The following HMGCLL1 variants were observed in gnomAD, a reference collection of about 807,000 sequenced individuals.
HMGCLL1 encodes the protein 3-hydroxymethyl-3-methylglutaryl-CoA lyase, cytoplasmic.
A neutral mutation model predicts 39.1 loss-of-function variants in HMGCLL1; 36 were observed. That is an observed-to-expected ratio of 0.92 (90% CI 0.71 to 1.22). The LOEUF is 1.22. Among genes scored for constraint, HMGCLL1 ranks in the 50% most tolerant of loss-of-function variants. The pLI is 0.00. For synonymous variants in HMGCLL1, 149 were observed against 144.0 expected, an observed-to-expected ratio of 1.03 and a Z score of -0.25; for missense variants, 451 against 416.5, an observed-to-expected ratio of 1.08 and a Z score of -0.72.
the HMGCLL1 span, among the ~76,000 whole-genome samples, chr6:55,587,182 T>A: frequency 6.6e-6 from 1 of 152,170 alleles, no homozygotes; most frequent in South Asian, 2.1e-4. Context: ...TTTGGCTGCA[T>A]AAATGTCTTC....
rs62407068 is a variant in HMGCLL1 at position 55,474,511 on chromosome 6, G to A, written c.795+20908C>T. On this transcript the variant is annotated intron_variant, in intron 7 of 8. Transcript: ENST00000274901. ...CCTCCATCTACAGGTTTACATTCCC[G>A]TCTCTTTTTTGCATGTTGTCTACTT... Among the ~76,000 whole-genome samples, 391 of 150,788 alleles carry A rather than the reference G, an allele frequency of 2.6e-3. 1 individual carries two copies. Among genetic ancestry groups the A allele is most frequent in the Non-Finnish European group, 4.5e-3 (304 of 67,460 alleles).
At chr6:55,596,852 G>A in the HMGCLL1 span, among the ~76,000 whole-genome samples, 1 of 152,150 alleles carries the variant, frequency 6.6e-6, no homozygotes, top group African/African-American at 2.4e-5. Flanking sequence ...TAAAACTGCT[G>A]TGACTATTCT....
the HMGCLL1 span, among the ~76,000 whole-genome samples, chr6:55,660,874 C>T: frequency 2.0e-5 from 3 of 151,910 alleles, no homozygotes; most frequent in African/African-American, 7.2e-5. Context: ...CTTAACCTTG[C>T]CAGCATCTGT....
chr6:55,446,804 T>A (rs936788283), intron 7 of HMGCLL1, among the ~76,000 whole-genome samples: 1 of 152,018 alleles, frequency 6.6e-6, no homozygotes, highest in Non-Finnish European at 1.5e-5. Context: ...TATTCATGTT[T>A]TCAAAATATT....
Position 55,439,448 on chromosome 6 carries a change from G to A in HMGCLL1, c.907C>T (p.Leu303=). The change falls in exon 8 of 9, where the codon CTG becomes TTG. Residue 303 remains leucine (L), a synonymous_variant. Transcript: ENST00000274901. The part of the protein sequence containing the change: ...TEDLIYMLNG[L]GLNTGVNLYK... ...AAGTAACTTACTGTATTGAGCCCCA[G>A]GCCATTAAGCATATATATCAAATCC... 6.8e-6 allele frequency: 11 copies of A among 1,612,086 alleles called. No homozygotes were observed. The highest frequency in any genetic ancestry group is 1.7e-5 in the Admixed American group (1 of 59,854).
At chr6:55,454,314 G>A (rs1042580428) in intron 7 of HMGCLL1, among the ~76,000 whole-genome samples, 5 of 152,104 alleles carry the variant, frequency 3.3e-5, no homozygotes, top group African/African-American at 1.2e-4. Flanking sequence ...GTTTTGGGGA[G>A]CCCTATAACA....
At chr6:55,620,996 G>A in the HMGCLL1 span, among the ~76,000 whole-genome samples, 2 of 151,790 alleles carry the variant, frequency 1.3e-5, no homozygotes, top group Admixed American at 6.6e-5. Flanking sequence ...CTGTTTTTAT[G>A]CCACTACCAT....
chr6:55,436,482 G>T (rs183575001), intron 8 of HMGCLL1, among the ~76,000 whole-genome samples: 5 of 152,056 alleles, frequency 3.3e-5, no homozygotes, highest in Admixed American at 3.3e-4. Context: ...TAAGGAAAGG[G>T]TCACTATCAA....
At chr6:55,480,318 G>A (rs1226269570) in intron 7 of HMGCLL1, among the ~76,000 whole-genome samples, 2 of 151,536 alleles carry the variant, frequency 1.3e-5, no homozygotes, top group Non-Finnish European at 2.9e-5. Context: ...AAAAAGATCT[G>A]AAAAGATCTT....
At chr6:55,487,826 TAA>T (rs531924977) in intron 7 of HMGCLL1, among the ~76,000 whole-genome samples, 20 of 151,118 alleles carry the variant, frequency 1.3e-4, no homozygotes, top group African/African-American at 4.1e-4. Context: ...TTTTCAGTAT[TAA>T]AAAAAAATAA....
At chr6:55,551,417 A>G (rs1770319793) in intron 1 of HMGCLL1, among the ~76,000 whole-genome samples, 1 of 151,930 alleles carries the variant, frequency 6.6e-6, no homozygotes, top group Non-Finnish European at 1.5e-5. Context: ...GCCTTACTGC[A>G]TCTTAGTTCC....
At chr6:55,523,686 T>G (rs1360885020) in intron 3 of HMGCLL1, among the ~76,000 whole-genome samples, 2 of 151,916 alleles carry the variant, frequency 1.3e-5, no homozygotes, top group African/African-American at 4.8e-5. Context: ...CAATTTTACC[T>G]CATATTACAA....
the HMGCLL1 span, among the ~76,000 whole-genome samples, chr6:55,598,228 T>C: frequency 1.3e-5 from 2 of 152,352 alleles, no homozygotes; most frequent in East Asian, 1.9e-4. Flanking sequence ...ACATGTCCTG[T>C]ATTTAATGAT....
chr6:55,514,172 A>G lies in HMGCLL1; in HGVS notation c.418T>C (p.Ser140Pro), dbSNP rs1243692252. Residue 140 changes from serine (S) to proline (P), a missense_variant, in exon 5 of 9, where the codon TCA becomes CCA. Coordinates refer to ENST00000274901, the MANE Select transcript of HMGCLL1 (RefSeq NM_001042406.2). ...HAVAAGATEI[S>P]VFGAASESFS... ...GATTCAGATGCAGCTCCAAAAACTG[A>G]TATCTCAGTAGCTCCAGCAGCAACC... 2 of 1,610,512 alleles carry G rather than the reference A, an allele frequency of 1.2e-6. No homozygotes were observed. Among genetic ancestry groups the G allele is most frequent in the Admixed American group, 1.7e-5 (1 of 59,376 alleles).
chr6:55,439,405 G>T, intron 8 of HMGCLL1, 29 bp downstream of exon 8: 1 of 1,586,248 alleles, frequency 6.3e-7, no homozygotes, highest in South Asian at 1.1e-5. Flanking sequence ...AGGAATGCAT[G>T]AATATTAAAA....
intron 1 of HMGCLL1, chr6:55,563,740 T>A (rs77420869): frequency 1.9e-6 from 1 of 531,444 alleles, no homozygotes; most frequent in African/African-American, 2.0e-5. Context: ...TAAGAGTTCA[T>A]ACAAAATTAA....
At chr6:55,627,889 A>G in the HMGCLL1 span, among the ~76,000 whole-genome samples, 1 of 31,014 alleles carries the variant, frequency 3.2e-5, no homozygotes, top group African/African-American at 1.2e-4. Flanking sequence ...CCTTATATAT[A>G]TATATATATA....
the HMGCLL1 span, among the ~76,000 whole-genome samples, chr6:55,601,622 C>G: frequency 2.0e-5 from 3 of 152,092 alleles, no homozygotes; most frequent in Non-Finnish European, 4.4e-5. Context: ...TTAAATCAGT[C>G]TACCACACAA....
the HMGCLL1 span, among the ~76,000 whole-genome samples, chr6:55,652,156 G>A: frequency 1.3e-5 from 2 of 152,060 alleles, no homozygotes; most frequent in South Asian, 4.1e-4. Context: ...TAAGTGATGT[G>A]TGCTTTTATT....
Sources: allele counts gnomAD v4.1 joint callset (sites outside exome capture counted in the v4.1 genomes callset), GRCh38; gene constraint gnomAD v4.1.1; transcripts MANE v1.5; gene names NCBI Gene and HGNC (gene_info 2026-07-23, HGNC 2026-07-21).